Variants in SLC9D1 observed in about 807,000 individuals in gnomAD.
The protein encoded by SLC9D1 is solute carrier family 9 member D1.
the SLC9D1 span, among the ~76,000 whole-genome samples, chr13:113,531,096 A>G: frequency 6.6e-6 from 1 of 152,220 alleles, no homozygotes; most frequent in Non-Finnish European, 1.5e-5. Flanking sequence ...GTGAGCACCC[A>G]CTGCCACCAT....
the SLC9D1 span, among the ~76,000 whole-genome samples, chr13:113,509,808 T>C: frequency 3.9e-5 from 6 of 152,174 alleles, no homozygotes; most frequent in Admixed American, 3.9e-4. Flanking sequence ...CAGTGCTGAG[T>C]GCACCCCGAG....
At chr13:113,498,958 A>G in the SLC9D1 span, among the ~76,000 whole-genome samples, 2 of 152,210 alleles carry the variant, frequency 1.3e-5, no homozygotes, top group South Asian at 4.1e-4. Context: ...AAACAAAACA[A>G]TGGCAACTCC....
the SLC9D1 span, chr13:113,523,991 C>T: frequency 4.8e-5 from 19 of 395,712 alleles, no homozygotes; most frequent in African/African-American, 3.4e-4. Flanking sequence ...TGTATGATTT[C>T]AGTTCTTCTA....
the SLC9D1 span, among the ~76,000 whole-genome samples, chr13:113,539,022 A>G: frequency 6.6e-6 from 1 of 152,266 alleles, no homozygotes; most frequent in Non-Finnish European, 1.5e-5. This position sits in a 1 kb window ranked among gnomAD's most constrained non-coding sequence, Gnocchi z 4.8. Flanking sequence ...CCACCGGGCT[A>G]TTCTGATTCA....
the SLC9D1 span, among the ~76,000 whole-genome samples, chr13:113,493,104 G>GT: frequency 0.097 from 14,799 of 152,186 alleles, 1,062 homozygotes; most frequent in Admixed American, 0.23. Context: ...AATAATTTCA[G>GT]TTTCATGTTA....
At chr13:113,548,408 G>T in the SLC9D1 span, 1 of 1,612,704 alleles carries the variant, frequency 6.2e-7, no homozygotes, top group Non-Finnish European at 8.5e-7. Flanking sequence ...GTTTTCCTTT[G>T]TCCTGGGGAG....
the SLC9D1 span, among the ~76,000 whole-genome samples, chr13:113,514,956 A>G: frequency 6.6e-6 from 1 of 152,224 alleles, no homozygotes; most frequent in African/African-American, 2.4e-5. Context: ...GGCCTCGAGC[A>G]GTCCTCCTGC....
chr13:113,500,413 A>G, the SLC9D1 span, among the ~76,000 whole-genome samples: 2 of 152,358 alleles, frequency 1.3e-5, no homozygotes, highest in Middle Eastern at 3.4e-3. Flanking sequence ...AGTTACTGTA[A>G]TGGGATTAAA....
chr13:113,543,949 A>G, the SLC9D1 span, among the ~76,000 whole-genome samples: 21 of 152,164 alleles, frequency 1.4e-4, no homozygotes, highest in Non-Finnish European at 2.8e-4. Context: ...TTTATAGCTC[A>G]CTTTTTTCTC....
the SLC9D1 span, among the ~76,000 whole-genome samples, chr13:113,523,932 T>C: frequency 1.3e-4 from 20 of 152,244 alleles, no homozygotes; most frequent in African/African-American, 4.8e-4. Context: ...TCCTGATGTC[T>C]TTCTGTTACT....
At chr13:113,496,947 T>C in the SLC9D1 span, among the ~76,000 whole-genome samples, 3 of 152,222 alleles carry the variant, frequency 2.0e-5, no homozygotes, top group Non-Finnish European at 4.4e-5. Context: ...TGAGTAACAT[T>C]GGCTCCTGGT....
the SLC9D1 span, chr13:113,548,437 C>T: frequency 1.9e-6 from 3 of 1,610,032 alleles, no homozygotes; most frequent in Non-Finnish European, 2.5e-6. Flanking sequence ...GAAGAGCGGG[C>T]GTCATCTCTC....
At chr13:113,495,679 T>C in the SLC9D1 span, 1 of 1,611,182 alleles carries the variant, frequency 6.2e-7, no homozygotes, top group South Asian at 1.1e-5. Flanking sequence ...CAGCGTGTGA[T>C]CAAACTGCAC....
chr13:113,548,416 G>A, the SLC9D1 span: 1 of 1,612,230 alleles, frequency 6.2e-7, no homozygotes, highest in East Asian at 2.2e-5. Flanking sequence ...TTGTCCTGGG[G>A]AGCCGGGCGC....
At chr13:113,518,266 C>T in the SLC9D1 span, among the ~76,000 whole-genome samples, 12 of 152,168 alleles carry the variant, frequency 7.9e-5, no homozygotes, top group Non-Finnish European at 1.3e-4. Context: ...CCTGCAGCCC[C>T]GTGAAGTCCC....
chr13:113,524,017 GT>G, the SLC9D1 span: 1 of 431,306 alleles, frequency 2.3e-6, no homozygotes, highest in Non-Finnish European at 4.7e-6. Flanking sequence ...GTTGAGGTTT[GT>G]TTTATGGCCA....
chr13:113,532,605 T>C, the SLC9D1 span, among the ~76,000 whole-genome samples: 4 of 152,076 alleles, frequency 2.6e-5, no homozygotes, highest in African/African-American at 9.7e-5. Context: ...ACCACGGTGC[T>C]GGGCCCAGGG....
the SLC9D1 span, among the ~76,000 whole-genome samples, chr13:113,516,531 A>G: frequency 6.7e-6 from 1 of 150,018 alleles, no homozygotes; most frequent in Admixed American, 6.8e-5. Flanking sequence ...ACACCACTGC[A>G]CTCCAGCCTG....
the SLC9D1 span, among the ~76,000 whole-genome samples, chr13:113,494,634 C>A: frequency 6.7e-6 from 1 of 149,326 alleles, no homozygotes; most frequent in Non-Finnish European, 1.5e-5. Context: ...ACAAAAAGTT[C>A]TAGAGATCTA....
Sources: gnomAD v4.1 joint callset for allele counts (sites outside exome capture counted in the v4.1 genomes callset) on GRCh38, gnomAD v4.1.1 for gene constraint, Gnocchi (gnomAD v3.1) non-coding constraint, MANE v1.5 for transcripts, NCBI Gene and HGNC (gene_info 2026-07-23, HGNC 2026-07-21) for gene names.